GPC5: variants seen among roughly 807,000 people sequenced by gnomAD.
GPC5 encodes glypican-5.
In GPC5, 47 loss-of-function variants were observed where a neutral mutation model predicts 53.9. The ratio of observed to expected loss-of-function variants is 0.87; its 90% CI spans 0.69 to 1.11. The LOEUF (loss-of-function observed/expected upper bound fraction) is 1.11, where lower values mean the gene tolerates loss of function less well. Among genes scored for constraint, GPC5 ranks in the 50% most tolerant of loss-of-function variants. The pLI is 0.00. For missense variants in GPC5, 748 were observed against 713.1 expected (o/e 1.05, Z -0.56); for synonymous variants, 286 against 263.3 (o/e 1.09, Z -0.84).
At chr13:91,625,978 A>G (rs2033988611) in intron 2 of GPC5, among the ~76,000 whole-genome samples, 1 of 152,100 alleles carries the variant, frequency 6.6e-6, no homozygotes, top group Non-Finnish European at 1.5e-5. Flanking sequence ...CACTGATGGC[A>G]TATTTTTGAA....
chr13:91,802,469 A>G (rs1476923239), intron 5 of GPC5, among the ~76,000 whole-genome samples: 1 of 152,158 alleles, frequency 6.6e-6, no homozygotes, highest in East Asian at 1.9e-4. Context: ...TATTGTGAAG[A>G]GCAAAAGAAC....
chr13:91,604,453 T>C (rs2033289722), intron 2 of GPC5, among the ~76,000 whole-genome samples: 1 of 151,668 alleles, frequency 6.6e-6, no homozygotes, highest in East Asian at 1.9e-4. Context: ...TTTATAGTCC[T>C]TTGGGTATAT....
chr13:91,800,198 G>T (rs960859853), intron 5 of GPC5, among the ~76,000 whole-genome samples: 4 of 151,860 alleles, frequency 2.6e-5, no homozygotes, highest in African/African-American at 9.7e-5. Flanking sequence ...AGTTCAATAA[G>T]AAATTTATTC....
chr13:91,520,690 G>GTATATATGTA (rs1885756962), intron 2 of GPC5, among the ~76,000 whole-genome samples: 1 of 151,410 alleles, frequency 6.6e-6, no homozygotes, highest in Non-Finnish European at 1.5e-5. Flanking sequence ...ATATATGTGT[G>GTATATATGTA]TATATATGTA....
intron 4 of GPC5, among the ~76,000 whole-genome samples, chr13:91,739,416 C>T (rs927066866): frequency 1.2e-4 from 18 of 151,402 alleles, no homozygotes; most frequent in African/African-American, 2.9e-4. Flanking sequence ...CATTCCAAAA[C>T]GTAGTGGCTT....
intron 7 of GPC5, among the ~76,000 whole-genome samples, chr13:92,415,267 T>A (rs1266004880): frequency 6.6e-6 from 1 of 152,152 alleles, no homozygotes; most frequent in Non-Finnish European, 1.5e-5. Flanking sequence ...AGTGCAACAC[T>A]CCAGAGAGTG....
rs1349522453 is a variant in GPC5, at chr13:92,381,832, T to TATG, written c.1561+236845_1561+236846insGAT. ...ATATTATTTCATATATAATCATATA[T>TATG]ATTATATTGTATATGATCATATATG... On this transcript the variant is annotated intron_variant, in intron 7 of 7. Coordinates refer to ENST00000377067, the MANE Select transcript of GPC5 (RefSeq NM_004466.6). 9.6e-5 allele frequency among the ~76,000 whole-genome samples: 8 copies of TATG among 83,362 alleles called. No homozygotes were observed. The East Asian group carries it at 2.9e-3, about 30-fold the overall frequency. The allele number at this position is 83,362 out of a possible 152,430, so 54.7% of individuals were successfully genotyped here.
At chr13:92,219,160 G>A (rs1050698238) in intron 7 of GPC5, among the ~76,000 whole-genome samples, 19 of 152,146 alleles carry the variant, frequency 1.2e-4, no homozygotes, top group Non-Finnish European at 1.8e-4. Flanking sequence ...TGGAGAGGCT[G>A]CTTCATTTTG....
intron 7 of GPC5, among the ~76,000 whole-genome samples, chr13:92,174,455 A>G (rs2042094311): frequency 6.6e-6 from 1 of 151,980 alleles, no homozygotes; most frequent in African/African-American, 2.4e-5. Flanking sequence ...GAACCGCGTG[A>G]ACCCGGGAGG....
chr13:92,741,793 G>T (rs914621103), intron 7 of GPC5, among the ~76,000 whole-genome samples: 1 of 151,888 alleles, frequency 6.6e-6, no homozygotes, highest in Non-Finnish European at 1.5e-5. Context: ...GTGTCCAAGT[G>T]TTCTCATTGT....
At chr13:92,448,896 A>AGCAGATCACGAG (rs1180462395) in intron 7 of GPC5, 1 of 148,388 alleles carries the variant, frequency 6.7e-6, no homozygotes, top group African/African-American at 2.5e-5. Context: ...AAGCCCACAC[A>AGCAGATCACGAG]GTTATACCCC....
chr13:91,821,948 A>G (rs538893805), intron 5 of GPC5, among the ~76,000 whole-genome samples: 72 of 152,326 alleles, frequency 4.7e-4, no homozygotes, highest in African/African-American at 1.5e-3. Flanking sequence ...AATAGAACGT[A>G]TTTTTAATTG....
At chr13:91,462,922 A>T (rs1366587959) in intron 2 of GPC5, among the ~76,000 whole-genome samples, 1 of 152,124 alleles carries the variant, frequency 6.6e-6, no homozygotes, top group East Asian at 1.9e-4. Flanking sequence ...GTATATTTTA[A>T]TGAAATTATA....
chr13:91,878,402 A>G (rs999476457), intron 5 of GPC5, among the ~76,000 whole-genome samples: 6 of 152,192 alleles, frequency 3.9e-5, no homozygotes, highest in Admixed American at 3.9e-4. Flanking sequence ...CAAACTGCCT[A>G]ACCATTGGTG....
intron 7 of GPC5, among the ~76,000 whole-genome samples, chr13:92,613,396 T>TGTG (rs1459780010): frequency 9.6e-4 from 68 of 70,644 alleles, no homozygotes; most frequent in African/African-American, 3.5e-3. Flanking sequence ...TATATATAAA[T>TGTG]ATATATTATA....
chr13:92,014,280 G>A (rs1455552867), intron 6 of GPC5, among the ~76,000 whole-genome samples: 1 of 152,098 alleles, frequency 6.6e-6, no homozygotes. Flanking sequence ...TGTTTTTCTT[G>A]CTTGATATGC....
At chr13:92,568,010 C>T (rs1882913214) in intron 7 of GPC5, among the ~76,000 whole-genome samples, 1 of 151,974 alleles carries the variant, frequency 6.6e-6, no homozygotes, top group South Asian at 2.1e-4. Flanking sequence ...TAGAGACTAA[C>T]AGAATATTTA....
intron 6 of GPC5, among the ~76,000 whole-genome samples, chr13:92,045,037 T>C (rs372219204): frequency 1.1e-4 from 17 of 152,176 alleles, no homozygotes; most frequent in African/African-American, 4.1e-4. Context: ...AATAATCTGC[T>C]TTATTATAGA....
intron 7 of GPC5, among the ~76,000 whole-genome samples, chr13:92,219,476 G>T (rs1401339697): frequency 1.3e-5 from 2 of 152,050 alleles, no homozygotes; most frequent in Non-Finnish European, 2.9e-5. Context: ...TGGCTTCCTA[G>T]AACGAAATCA....
Sources: allele counts gnomAD v4.1 joint callset (sites outside exome capture counted in the v4.1 genomes callset), GRCh38; gene constraint gnomAD v4.1.1; transcripts MANE v1.5; gene names NCBI Gene and HGNC (gene_info 2026-07-23, HGNC 2026-07-21).